Variants in ACACA observed in about 807,000 individuals in gnomAD.
The protein encoded by ACACA is acetyl-CoA carboxylase 1.
In ACACA, 103 loss-of-function variants were observed where a neutral mutation model predicts 296.1. The observed-to-expected ratio is 0.35, with a 90% CI of 0.30 to 0.41. The LOEUF (loss-of-function observed/expected upper bound fraction) is 0.41, where lower values mean the gene tolerates loss of function less well. Among genes scored for constraint, ACACA ranks in the 10% least tolerant of loss-of-function variants. The pLI, the probability that ACACA is intolerant of heterozygous loss-of-function variation, is 1.00. For missense variants in ACACA, 1,554 were observed against 2,989.7 expected (o/e 0.52, Z 11.20); for synonymous variants, 953 against 1,038.6 (o/e 0.92, Z 1.58).
chr17:37,120,424 C>A (rs1236623712), intron 50 of ACACA, among the ~76,000 whole-genome samples: 1 of 151,998 alleles, frequency 6.6e-6, no homozygotes, highest in African/African-American at 2.4e-5. Flanking sequence ...CACCACCACG[C>A]CAGCTAAGTT....
At chr17:37,337,516 C>T (rs771170155) in intron 2 of ACACA, among the ~76,000 whole-genome samples, 1 of 151,900 alleles carries the variant, frequency 6.6e-6, no homozygotes, top group African/African-American at 2.4e-5. Context: ...TGCAGTGGCA[C>T]GATCCTCGTT....
chr17:37,384,127 A>T (rs904232104), intron 1 of ACACA, among the ~76,000 whole-genome samples: 1 of 152,146 alleles, frequency 6.6e-6, no homozygotes, highest in Non-Finnish European at 1.5e-5. Context: ...AGCCGGGTGT[A>T]GTGGTGTGCG....
rs1317084957 is a variant in ACACA, at chr17:37,087,023, T to C, written c.*293A>G. The stretch of plus-strand genomic sequence containing the variant: ...CCCTACTTTGGTTAGTAAGACCTCA[T>C]GGTACATGTTTGTACCTTTCATTGC... On this transcript the variant is annotated 3_prime_UTR_variant, in exon 56 of 56. Coordinates refer to ENST00000616317, the MANE Select transcript of ACACA (RefSeq NM_198834.3). 3.5e-5 allele frequency: 17 copies of C among 492,550 alleles called. No homozygotes were observed. The East Asian group carries it at 6.6e-4, about 19-fold the overall frequency. 30.5% of individuals were successfully genotyped at this position (492,550 alleles called of 1,614,324 possible).
chr17:37,217,676 A>G (rs961968086), intron 29 of ACACA, among the ~76,000 whole-genome samples: 36 of 138,280 alleles, frequency 2.6e-4, no homozygotes, highest in African/African-American at 8.5e-4. Context: ...CAGAGCTTGC[A>G]GTGAGCCCAG....
At chr17:37,202,731 T>G in intron 33 of ACACA, among the ~76,000 whole-genome samples, 2 of 118,014 alleles carry the variant, frequency 1.7e-5, no homozygotes, top group African/African-American at 3.1e-5. Flanking sequence ...ACATATATTT[T>G]AACAAGGAGA....
In ACACA at chr17:37,391,913, C is replaced by T. The variant is rs8082190; in HGVS notation, c.38+14349G>A. On this transcript the variant is annotated intron_variant, in intron 1 of 55. Coordinates refer to ENST00000616317, the MANE Select transcript of ACACA (RefSeq NM_198834.3). ...CCTCATGCCCCTATCTGAGCCACAA[C>T]CTTCTGTAATTCACTTCATACATCC... 2.4e-3 allele frequency: 1,430 copies of T among 598,598 alleles called. 18 individuals carry two copies. The highest frequency in any genetic ancestry group is 0.023 in the African/African-American group (1,265 of 54,252). 37.1% of individuals were successfully genotyped at this position (598,598 alleles called of 1,614,324 possible). A position where few individuals can be genotyped will look rare whatever the true frequency, so the allele number is the denominator to read the frequency against.
At chr17:37,240,865 T>C (rs760688168) in intron 23 of ACACA, among the ~76,000 whole-genome samples, 1 of 152,154 alleles carries the variant, frequency 6.6e-6, no homozygotes, top group Non-Finnish European at 1.5e-5. Context: ...ATGGCTGAGA[T>C]ATCTGAAAAA....
chr17:37,194,939 C>G (rs1022623470), intron 35 of ACACA, among the ~76,000 whole-genome samples: 5 of 151,764 alleles, frequency 3.3e-5, no homozygotes, highest in South Asian at 2.1e-4. Context: ...TGACACCCCC[C>G]CCACCCGTTA....
intron 10 of ACACA, among the ~76,000 whole-genome samples, chr17:37,270,214 G>A (rs914587026): frequency 6.6e-6 from 1 of 152,142 alleles, no homozygotes; most frequent in African/African-American, 2.4e-5. Context: ...CATGCAACAC[G>A]GGCTAGGGTA....
At chr17:37,218,803 AC>A (rs1461700373) in intron 29 of ACACA, among the ~76,000 whole-genome samples, 1 of 152,230 alleles carries the variant, frequency 6.6e-6, no homozygotes, top group Non-Finnish European at 1.5e-5. Flanking sequence ...ACAATAACAT[AC>A]AAAAAAAGTA....
chr17:37,293,657 C>T (rs2083186460), intron 3 of ACACA, among the ~76,000 whole-genome samples: 2 of 151,632 alleles, frequency 1.3e-5, no homozygotes, highest in Non-Finnish European at 2.9e-5. Flanking sequence ...ATTCTCCAGC[C>T]TCAGCCCCCC....
chr17:37,386,819 C>CTTTTTTTTTTTTTTTTTTT, intron 1 of ACACA: 1 of 151,476 alleles, frequency 6.6e-6, no homozygotes, highest in African/African-American at 2.4e-5. Flanking sequence ...AAGTGCTTTT[C>CTTTTTTTTTTTTTTTTTTT]TTTTTCTTTT....
intron 3 of ACACA, among the ~76,000 whole-genome samples, chr17:37,310,793 C>CAAAAAAAA (rs74268026): frequency 2.0e-5 from 1 of 50,500 alleles, no homozygotes; most frequent in Non-Finnish European, 3.9e-5. Flanking sequence ...GACACCATCT[C>CAAAAAAAA]AAAAAAAAAA....
intron 41 of ACACA, among the ~76,000 whole-genome samples, chr17:37,171,031 T>A (rs1446873728): frequency 1.3e-5 from 2 of 152,198 alleles, no homozygotes; most frequent in African/African-American, 2.4e-5. Flanking sequence ...CTTTCTTACA[T>A]CTCCACACTT....
In ACACA at chr17:37,257,702, C is replaced by G; in HGVS notation, c.1826+1G>C. 1 of 1,613,930 alleles carries G rather than the reference C, an allele frequency of 6.2e-7. No homozygotes were observed. The highest frequency in any genetic ancestry group is 8.5e-7 in the Non-Finnish European group (1 of 1,179,952). On this transcript the variant is annotated splice_donor_variant, in intron 14 of 55. Transcript: ENST00000616317. LOFTEE classifies it high-confidence loss of function. ...ATGCAATCAAATGCTATTATACTCACGAAATTGCCTCTTCTCTGTTTTCTC... is the reference window on the plus strand; with the variant it reads ...ATGCAATCAAATGCTATTATACTCAGGAAATTGCCTCTTCTCTGTTTTCTC...
chr17:37,323,382 G>T (rs1364143743), intron 3 of ACACA, among the ~76,000 whole-genome samples: 1 of 152,228 alleles, frequency 6.6e-6, no homozygotes, highest in African/African-American at 2.4e-5. Context: ...ATCACTTGAG[G>T]CCAGGAATTC....
chr17:37,217,563 G>A (rs1368510634), intron 29 of ACACA, among the ~76,000 whole-genome samples: 4 of 151,262 alleles, frequency 2.6e-5, no homozygotes, highest in Admixed American at 6.6e-5. Flanking sequence ...GTGAAACCCC[G>A]TCTCTATTAA....
Position 37,130,108 on chromosome 17 carries a change from G to A in ACACA, c.5790C>T (p.Phe1930=). 6.2e-7 allele frequency: 1 copy of A among 1,614,180 alleles called. No individual in the cohort carries two copies. Among genetic ancestry groups the A allele is most frequent in the Non-Finnish European group, 8.5e-7 (1 of 1,180,018 alleles). ...TGTAAGACAGCCAGTGCAGGACAGT[G>A]AAAACCCCTTCAAAGTCATCACACA... ...CTVCDDFEGV[F]TVLHWLSYMP... The change falls in exon 46 of 56, where the codon TTC becomes TTT. Residue 1930 remains phenylalanine, a synonymous_variant. Transcript: ENST00000616317.
At chr17:37,230,198 A>G (rs2079790374) in intron 25 of ACACA, among the ~76,000 whole-genome samples, 3 of 151,978 alleles carry the variant, frequency 2.0e-5, no homozygotes, top group Admixed American at 1.3e-4. Flanking sequence ...CAGCCTGACC[A>G]ACATGGAGAA....
Sources: allele counts gnomAD v4.1 joint callset (sites outside exome capture counted in the v4.1 genomes callset), GRCh38; gene constraint gnomAD v4.1.1; transcripts MANE v1.5; gene names NCBI Gene and HGNC (gene_info 2026-07-23, HGNC 2026-07-21).